PAN3: variants seen among roughly 807,000 people sequenced by gnomAD.
PAN3 encodes poly(A) specific ribonuclease subunit PAN3.
Under a neutral mutation model 96.2 loss-of-function variants are expected in PAN3, and 19 were observed. The observed-to-expected ratio is 0.20, with a 90% confidence interval of 0.14 to 0.29. PAN3 has a LOEUF of 0.29. Among genes scored for constraint, PAN3 ranks in the 10% least tolerant of loss-of-function variants. The pLI, the probability that PAN3 is intolerant of heterozygous loss-of-function variation, is 1.00. For synonymous variants in PAN3, 433 were observed against 406.6 expected (o/e 1.06, Z -0.78); for missense variants, 882 against 1,108.1 (o/e 0.80, Z 2.90).
chr13:28,202,663 A>G (rs1359759600), intron 5 of PAN3, among the ~76,000 whole-genome samples: 1 of 151,040 alleles, frequency 6.6e-6, no homozygotes, highest in Non-Finnish European at 1.5e-5. Context: ...ATGTATACAC[A>G]CACACACACA....
At chr13:28,282,620 T>C (rs1191250490) in intron 17 of PAN3, among the ~76,000 whole-genome samples, 1 of 152,218 alleles carries the variant, frequency 6.6e-6, no homozygotes. Context: ...CATGCACACA[T>C]GAGTTGAATC....
chr13:28,150,505 C>T (rs1359170936), intron 1 of PAN3, among the ~76,000 whole-genome samples: 3 of 151,702 alleles, frequency 2.0e-5, no homozygotes, highest in Admixed American at 6.6e-5. Flanking sequence ...GGCGCGGTGA[C>T]GGGCACCTGT....
intron 1 of PAN3, among the ~76,000 whole-genome samples, chr13:28,166,260 T>TA (rs1873524044): frequency 6.6e-6 from 1 of 152,132 alleles, no homozygotes; most frequent in South Asian, 2.1e-4. Context: ...ACAGGATAGA[T>TA]ACTTCCATTC....
chr13:28,139,177 C>T (rs1869238138), intron 1 of PAN3, 90 bp downstream of exon 1: 2 of 1,215,560 alleles, frequency 1.6e-6, no homozygotes, highest in South Asian at 3.8e-5. Flanking sequence ...CTGAGCACGG[C>T]CCGCGGGCTC....
intron 5 of PAN3, among the ~76,000 whole-genome samples, chr13:28,199,371 T>C (rs1220551763): frequency 2.6e-5 from 4 of 152,156 alleles, no homozygotes; most frequent in East Asian, 3.8e-4. Context: ...ATTATAGTTA[T>C]GTTTTATTTA....
chr13:28,235,021 T>C (rs1882950364), intron 6 of PAN3, among the ~76,000 whole-genome samples: 2 of 152,208 alleles, frequency 1.3e-5, no homozygotes, highest in Non-Finnish European at 1.5e-5. Flanking sequence ...TTAGAATAAT[T>C]TCCAAGCCCC....
chr13:28,214,956 C>T (rs955944866), intron 5 of PAN3: 9 of 1,372,082 alleles, frequency 6.6e-6, no homozygotes, highest in Non-Finnish European at 7.2e-6. Context: ...TGTGAAACAA[C>T]TAATTGTTGG....
intron 9 of PAN3, among the ~76,000 whole-genome samples, chr13:28,264,870 G>A (rs918227177): frequency 2.6e-5 from 4 of 152,200 alleles, no homozygotes; most frequent in Non-Finnish European, 5.9e-5. Context: ...AGGTGATTGT[G>A]ACAGGTGGTG....
intron 5 of PAN3, among the ~76,000 whole-genome samples, chr13:28,217,903 T>G (rs1880985975): frequency 6.6e-6 from 1 of 151,976 alleles, no homozygotes; most frequent in Admixed American, 6.6e-5. Context: ...GAAGTTATAA[T>G]TTATATAACT....
rs556184864 is a variant in PAN3, at chr13:28,237,038, C to G, written c.1000+16660C>G. Among the ~76,000 whole-genome samples, 3 of 152,148 alleles carry G rather than the reference C, an allele frequency of 2.0e-5. No individual in the cohort carries two copies. In the South Asian group the frequency reaches 6.2e-4, roughly 32 times the overall value. ...CAGAGCTCTGTCTTAGGCTCTTAGT[C>G]CCTGCTTTTGTTATGTGGAGTTTCT... is the stretch of plus-strand genomic sequence containing the variant. On this transcript the variant is annotated intron_variant, in intron 6 of 18. Transcript: ENST00000380958.
chr13:28,187,741 TGAGGGGC>T (rs1566169526), intron 4 of PAN3, among the ~76,000 whole-genome samples: 2 of 152,232 alleles, frequency 1.3e-5, no homozygotes, highest in Non-Finnish European at 1.5e-5. Context: ...TTTTGTTTTT[TGAGGGGC>T]AGTGTCTTGC....
intron 9 of PAN3, among the ~76,000 whole-genome samples, chr13:28,264,242 T>C (rs1055077157): frequency 1.3e-5 from 2 of 151,954 alleles, no homozygotes; most frequent in Non-Finnish European, 2.9e-5. Context: ...TAAAAAGATA[T>C]AAAAAAGAAA....
intron 9 of PAN3, among the ~76,000 whole-genome samples, chr13:28,261,847 A>AAC (rs1179442168): frequency 8.7e-5 from 13 of 149,926 alleles, no homozygotes; most frequent in Middle Eastern, 3.2e-3. Context: ...AAAAAAAAAA[A>AAC]AAAAGGACAG....
chr13:28,218,905 C>G (rs1881092880), intron 5 of PAN3, among the ~76,000 whole-genome samples: 1 of 152,096 alleles, frequency 6.6e-6, no homozygotes, highest in African/African-American at 2.4e-5. Context: ...ACTATTTTAT[C>G]AAGATATCAA....
chr13:28,243,968 G>A (rs564094230), intron 6 of PAN3, among the ~76,000 whole-genome samples: 6 of 152,294 alleles, frequency 3.9e-5, no homozygotes, highest in Non-Finnish European at 8.8e-5. Context: ...TTGCAGGCAG[G>A]AGCCACCGCA....
intron 4 of PAN3, among the ~76,000 whole-genome samples, chr13:28,185,688 T>C (rs1296732421): frequency 6.6e-6 from 1 of 152,178 alleles, no homozygotes; most frequent in Non-Finnish European, 1.5e-5. Context: ...TTTTTATGCC[T>C]TTTATATACA....
At chr13:28,169,221 GC>G (rs1476484646) in intron 1 of PAN3, among the ~76,000 whole-genome samples, 3 of 108,618 alleles carry the variant, frequency 2.8e-5, no homozygotes, top group African/African-American at 7.6e-5. Context: ...TTTTTTGTTT[GC>G]TTTTTTTTTT....
chr13:28,243,400 A>C (rs9579172), intron 6 of PAN3, among the ~76,000 whole-genome samples: 14,177 of 152,154 alleles, frequency 0.093, 803 homozygotes, highest in African/African-American at 0.17. Context: ...CATAAGCAAA[A>C]CAAAAATTTT....
rs756816613 is a variant in PAN3, at chr13:28,256,379, C to G, written c.1088C>G (p.Thr363Ser). ...TSPAPRRRSH[T>S]PNPASYMVPS... ...CCTGCTCCCAGAAGAAGAAGTCACACTCCAAATCCAGCAAGTTACATGGTG... is the reference window on the plus strand; with the variant it reads ...CCTGCTCCCAGAAGAAGAAGTCACAGTCCAAATCCAGCAAGTTACATGGTG... The change falls in exon 7 of 19, where the codon ACT (threonine) becomes AGT (serine). Residue 363 changes from threonine (T) to serine (S), a missense_variant. Transcript: ENST00000380958. 13 of 1,613,924 alleles carry G rather than the reference C, an allele frequency of 8.1e-6. No individual in the cohort carries two copies. The highest frequency in any genetic ancestry group is 8.5e-7 in the Non-Finnish European group (1 of 1,179,894).
Sources: allele counts gnomAD v4.1 joint callset (sites outside exome capture counted in the v4.1 genomes callset), GRCh38; gene constraint gnomAD v4.1.1; transcripts MANE v1.5; gene names NCBI Gene and HGNC (gene_info 2026-07-23, HGNC 2026-07-21).